The following EPHB1 variants were observed in gnomAD, a reference collection of about 807,000 sequenced individuals.
The protein encoded by EPHB1 is ephrin type-B receptor 1.
EPHB1 carries 30 observed loss-of-function variants against 94.4 expected under a neutral mutation model. The ratio of observed to expected loss-of-function variants is 0.32; its 90% CI spans 0.24 to 0.43. EPHB1 has a LOEUF of 0.43. Among genes scored for constraint, EPHB1 ranks in the 20% least tolerant of loss-of-function variants. The pLI, the probability that EPHB1 is intolerant of heterozygous loss-of-function variation, is 1.00. For synonymous variants in EPHB1, 522 were observed against 489.1 expected (o/e 1.07, Z -0.89); for missense variants, 1,055 against 1,308.3 (o/e 0.81, Z 2.99).
At chr3:134,808,043 G>C (rs994623413) in intron 1 of EPHB1, among the ~76,000 whole-genome samples, 1 of 152,226 alleles carries the variant, frequency 6.6e-6, no homozygotes, top group East Asian at 1.9e-4. Flanking sequence ...GGTTGATGAA[G>C]TTCATAGAGG....
chr3:135,106,323 C>T, intron 3 of EPHB1, 125 bp from the exon 4 acceptor site: 1 of 1,046,652 alleles, frequency 9.6e-7, no homozygotes, highest in South Asian at 1.5e-5. Context: ...CTTAGATCTC[C>T]CTTGGTACGA....
intron 9 of EPHB1, among the ~76,000 whole-genome samples, chr3:135,168,723 T>C (rs1941724110): frequency 6.6e-6 from 1 of 152,186 alleles, no homozygotes; most frequent in African/African-American, 2.4e-5. Flanking sequence ...CAGGGCTGGC[T>C]CTTTTTCATC....
At chr3:135,114,552 A>AG in intron 4 of EPHB1, among the ~76,000 whole-genome samples, 1 of 147,418 alleles carries the variant, frequency 6.8e-6, no homozygotes, top group African/African-American at 2.5e-5. Flanking sequence ...AAAAAAAAAA[A>AG]AAAAAAAAAA....
At chr3:135,139,498 T>C (rs1250646664) in intron 5 of EPHB1, among the ~76,000 whole-genome samples, 1 of 152,222 alleles carries the variant, frequency 6.6e-6, no homozygotes, top group African/African-American at 2.4e-5. Flanking sequence ...TCAAATATTT[T>C]TCAAGGCCTT....
intron 12 of EPHB1, among the ~76,000 whole-genome samples, chr3:135,218,320 C>T (rs915503068): frequency 2.6e-5 from 4 of 152,236 alleles, no homozygotes; most frequent in Non-Finnish European, 5.9e-5. Context: ...TTTGGCTCCT[C>T]CTTGCTCTGA....
At chr3:135,215,425 G>A (rs1051824561) in intron 12 of EPHB1, among the ~76,000 whole-genome samples, 25 of 152,116 alleles carry the variant, frequency 1.6e-4, no homozygotes, top group Non-Finnish European at 3.1e-4. Flanking sequence ...AGCCTCCCAA[G>A]CTGCTGGGAT....
intron 4 of EPHB1, among the ~76,000 whole-genome samples, 163 bp downstream of exon 4, chr3:135,106,766 A>G (rs1215462010): frequency 6.6e-6 from 1 of 152,190 alleles, no homozygotes; most frequent in Non-Finnish European, 1.5e-5. Flanking sequence ...CGGAGTTCAG[A>G]GGCCTTGTCC....
chr3:135,081,260 G>T (rs189375241), intron 3 of EPHB1, among the ~76,000 whole-genome samples: 1 of 152,206 alleles, frequency 6.6e-6, no homozygotes, highest in Non-Finnish European at 1.5e-5. Context: ...TAAGTCTTTG[G>T]GGATAATTAT....
chr3:134,853,120 A>G (rs555308901), intron 1 of EPHB1, among the ~76,000 whole-genome samples: 1 of 152,316 alleles, frequency 6.6e-6, no homozygotes, highest in East Asian at 1.9e-4. Context: ...AAAGAAGTAG[A>G]ATAGAAAATG....
At chr3:135,110,395 G>A (rs1482377460) in intron 4 of EPHB1, among the ~76,000 whole-genome samples, 1 of 152,142 alleles carries the variant, frequency 6.6e-6, no homozygotes, top group East Asian at 1.9e-4. Context: ...CCAGTCTTTC[G>A]GGGTTTCCCT....
chr3:134,978,115 A>T (rs1467097020), intron 3 of EPHB1: 2 of 406,734 alleles, frequency 4.9e-6, no homozygotes, highest in Non-Finnish European at 9.7e-6. Flanking sequence ...GGAAGATCCA[A>T]GTTTTCCCTT....
intron 3 of EPHB1, among the ~76,000 whole-genome samples, chr3:135,101,959 A>C (rs1330440399): frequency 2.0e-5 from 3 of 152,134 alleles, no homozygotes; most frequent in Non-Finnish European, 2.9e-5. Flanking sequence ...GGAGCTTCCT[A>C]ATGTTGGCTA....
At chr3:135,005,434 A>G (rs543463389) in intron 3 of EPHB1, among the ~76,000 whole-genome samples, 1 of 152,222 alleles carries the variant, frequency 6.6e-6, no homozygotes, top group East Asian at 1.9e-4. Flanking sequence ...CTGCCCCCAG[A>G]GGTGGAGCCT....
chr3:134,919,700 G>A lies in EPHB1; in HGVS notation c.59-6116G>A, dbSNP rs573579048. On this transcript the variant is annotated intron_variant, in intron 1 of 15. Transcript: ENST00000398015. ...AGCAGAGCATGTGCAGATCAGGTTC[G>A]GAGGACAGCTCAGAGACCCCTAGGG... 1.1e-4 allele frequency among the ~76,000 whole-genome samples: 16 copies of A among 152,256 alleles called. No homozygotes were observed. In the East Asian group the frequency reaches 1.5e-3, roughly 15 times the overall value.
chr3:135,248,351 C>T lies in EPHB1; in HGVS notation c.2532C>T (p.Pro844=), dbSNP rs914509193. The change falls in exon 14 of 16, where the codon CCC becomes CCT. Residue 844 remains proline, a synonymous_variant. Transcript: ENST00000398015. ...INAIEQDYRL[P]PPMDCPAALH... ...CCATCGAGCAGGACTACCGGCTGCC[C>T]CCACCCATGGACTGTCCAGCTGCTC... 11 of 1,598,764 alleles carry T rather than the reference C, an allele frequency of 6.9e-6. No homozygotes were observed. The highest frequency in any genetic ancestry group is 9.4e-6 in the Non-Finnish European group (11 of 1,168,476).
chr3:134,909,120 G>GGGGGC (rs1553864851), intron 1 of EPHB1, among the ~76,000 whole-genome samples: 6 of 110,566 alleles, frequency 5.4e-5, no homozygotes, highest in African/African-American at 2.2e-4. Context: ...GGGGGCGGGG[G>GGGGGC]GCGGGCTGGA....
At chr3:134,929,051 G>C (rs2038853792) in intron 2 of EPHB1, among the ~76,000 whole-genome samples, 1 of 152,190 alleles carries the variant, frequency 6.6e-6, no homozygotes. Context: ...GAGTCAGTAG[G>C]AGGTGGGCAG....
intron 3 of EPHB1, among the ~76,000 whole-genome samples, chr3:135,030,838 C>T (rs1236546583): frequency 6.6e-6 from 1 of 152,188 alleles, no homozygotes; most frequent in Non-Finnish European, 1.5e-5. Flanking sequence ...TGCCGCCTTG[C>T]AGTTTGATCT....
At position 135,166,973 on chromosome 3, in the gene EPHB1, A is replaced by G; in HGVS notation, c.1726A>G (p.Ser576Gly). ...GGCTTATAGCAAAGAGGCTGTGTAC[A>G]GCGATAAGCTCCAGCATTACAGCAC... ...KRAYSKEAVYSDKLQHYSTGR... is the reference protein window; with the variant it reads ...KRAYSKEAVYGDKLQHYSTGR... The change falls in exon 9 of 16, where the codon AGC becomes GGC. Residue 576 changes from serine to glycine, a missense_variant. Coordinates refer to ENST00000398015, the MANE Select transcript of EPHB1 (RefSeq NM_004441.5). The G allele has an allele frequency of 6.2e-7, 1 of 1,614,192 alleles. No homozygotes were observed. The highest frequency in any genetic ancestry group is 8.5e-7 in the Non-Finnish European group (1 of 1,180,016).
Sources: allele counts gnomAD v4.1 joint callset (sites outside exome capture counted in the v4.1 genomes callset), GRCh38; gene constraint gnomAD v4.1.1; transcripts MANE v1.5; gene names NCBI Gene and HGNC (gene_info 2026-07-23, HGNC 2026-07-21).